The following DST variants were observed in gnomAD, a reference collection of about 807,000 sequenced individuals.
The protein encoded by DST is dystonin.
A neutral mutation model predicts 875.2 loss-of-function variants in DST; 253 were observed. The ratio of observed to expected loss-of-function variants is 0.29; its 90% CI spans 0.26 to 0.32. The LOEUF (loss-of-function observed/expected upper bound fraction) is 0.32. DST is among the 10% of genes least tolerant of loss of function. The pLI is 1.00. For missense variants in DST, 8,287 were observed against 9,111.6 expected (o/e 0.91, Z 3.68); for synonymous variants, 3,124 against 3,197.1 (o/e 0.98, Z 0.77).
At chr6:56,523,637 A>G (rs1251792498) in intron 69 of DST, among the ~76,000 whole-genome samples, 1 of 152,164 alleles carries the variant, frequency 6.6e-6, no homozygotes, top group Non-Finnish European at 1.5e-5. Context: ...TATATATGCA[A>G]CCTTAAAACT....
intron 9 of DST, among the ~76,000 whole-genome samples, chr6:56,696,320 G>A (rs1052548105): frequency 2.6e-5 from 4 of 152,034 alleles, no homozygotes; most frequent in African/African-American, 7.3e-5. Flanking sequence ...GTGCCACAAC[G>A]CCCGGCGAAT....
intron 49 of DST, among the ~76,000 whole-genome samples, chr6:56,586,031 G>T (rs1202127418): frequency 6.6e-6 from 1 of 151,284 alleles, no homozygotes; most frequent in Non-Finnish European, 1.5e-5. Flanking sequence ...GGTCAGTTTT[G>T]GAATAGGTGT....
At chr6:56,573,960 G>T in intron 50 of DST, 73 bp from the exon 51 acceptor site, 2 of 1,054,520 alleles carry the variant, frequency 1.9e-6, no homozygotes, top group South Asian at 1.9e-5. Context: ...ACACATGAAG[G>T]TGAATCATAC....
chr6:56,627,049 G>A lies in DST; in HGVS notation c.4722+155C>T, dbSNP rs41271874. ...CGAATGAACTGGGGGGCTGTCATGT[G>A]ACTAATTTCACAAAGAATTATTAGA... On this transcript the variant is annotated intron_variant, in intron 34 of 103. Coordinates refer to ENST00000680361, the MANE Select transcript of DST (RefSeq NM_001374736.1). Among the ~76,000 whole-genome samples the A allele has an allele frequency of 0.012, 1,772 of 152,230 alleles. 21 individuals carry two copies. The highest frequency in any genetic ancestry group is 0.018 in the Non-Finnish European group (1,237 of 67,986).
chr6:56,740,205 GACT>G (rs1263404622), intron 4 of DST, among the ~76,000 whole-genome samples: 79 of 152,232 alleles, frequency 5.2e-4, no homozygotes, highest in African/African-American at 1.9e-3. Flanking sequence ...TTATTCTGTG[GACT>G]CACCCTGAAT....
intron 61 of DST, among the ~76,000 whole-genome samples, chr6:56,548,275 CAGGTGGGCCGTGGGCCAT>C (rs1470109499): frequency 6.6e-6 from 1 of 152,226 alleles, no homozygotes; most frequent in African/African-American, 2.4e-5. Context: ...TCCTGGGCCA[CAGGTGGGCCGTGGGCCAT>C]GGGTGGGACA....
chr6:56,856,097 G>T (rs1415548186), intron 3 of DST, among the ~76,000 whole-genome samples: 1 of 152,202 alleles, frequency 6.6e-6, no homozygotes, highest in Non-Finnish European at 1.5e-5. Flanking sequence ...TGACTTTCCT[G>T]ATAGCCCATT....
At chr6:56,681,687 G>A (rs1456408145) in intron 9 of DST, among the ~76,000 whole-genome samples, 6 of 152,212 alleles carry the variant, frequency 3.9e-5, no homozygotes, top group Non-Finnish European at 7.3e-5. Context: ...ATTTGCCTTA[G>A]TGTTATAATG....
At chr6:56,720,771 A>G (rs2099411703) in intron 5 of DST, among the ~76,000 whole-genome samples, 1 of 152,226 alleles carries the variant, frequency 6.6e-6, no homozygotes, top group Admixed American at 6.5e-5. Flanking sequence ...CAGACACAGT[A>G]ACAATGTGAT....
intron 50 of DST, among the ~76,000 whole-genome samples, chr6:56,574,747 GT>G (rs1196290161): frequency 6.6e-6 from 1 of 151,958 alleles, no homozygotes; most frequent in Non-Finnish European, 1.5e-5. Context: ...TTGAACAATG[GT>G]TTTTAATGTA....
At chr6:56,872,832 C>CCCCCCT (rs5876523) in intron 3 of DST, among the ~76,000 whole-genome samples, 1 of 127,860 alleles carries the variant, frequency 7.8e-6, no homozygotes, top group Non-Finnish European at 1.6e-5. Context: ...TCCCCCCCCC[C>CCCCCCT]TTTTTTTTTT....
At chr6:56,683,855 C>T (rs572776430) in intron 9 of DST, among the ~76,000 whole-genome samples, 1 of 152,326 alleles carries the variant, frequency 6.6e-6, no homozygotes, top group South Asian at 2.1e-4. Context: ...CTCGAGACCA[C>T]TCAATGAGAA....
At chr6:56,760,832 A>G (rs2099615401) in intron 4 of DST, among the ~76,000 whole-genome samples, 1 of 152,134 alleles carries the variant, frequency 6.6e-6, no homozygotes, top group South Asian at 2.1e-4. Context: ...GTATAATTAA[A>G]TCTCCCTTTT....
In DST at chr6:56,658,502, A is replaced by G. The variant is rs552575830; in HGVS notation, c.1215-7258T>C. Among the ~76,000 whole-genome samples the G allele has an allele frequency of 2.6e-5, 4 of 152,350 alleles. No individual in the cohort carries two copies. The South Asian group carries it at 6.2e-4, about 24-fold the overall frequency. On this transcript the variant is annotated intron_variant, in intron 10 of 103. Transcript: ENST00000680361. The stretch of plus-strand genomic sequence containing the variant: ...TATAGCATAAGGTTCAAAGAACTCA[A>G]CTGATTTACCCAAGATCTCAAGAGA...
intron 53 of DST, among the ~76,000 whole-genome samples, chr6:56,571,782 T>C (rs1252293055): frequency 6.6e-6 from 1 of 152,216 alleles, no homozygotes; most frequent in Non-Finnish European, 1.5e-5. Flanking sequence ...CAAATAAAAA[T>C]GTGATATTTG....
chr6:56,560,405 T>A lies in DST; in HGVS notation c.14329A>T (p.Lys4777Ter). ...EQNKSFEAEL[K>*]QNVNKVQELK... ...TCCTGTACTTTGTTTACATTCTGCT[T>A]CAGTTCTGCCTCAAACGACTAACAA... The change falls in exon 58 of 104, where the codon AAG becomes TAG. Residue 4777 changes from lysine (K) to a stop codon, truncating the protein, a stop_gained. Transcript: ENST00000680361. LOFTEE classifies it high-confidence loss of function. 1 of 1,600,192 alleles carries A rather than the reference T, an allele frequency of 6.2e-7. No homozygotes were observed. The highest frequency in any genetic ancestry group is 8.5e-7 in the Non-Finnish European group (1 of 1,172,100).
intron 9 of DST, among the ~76,000 whole-genome samples, chr6:56,671,493 A>AT (rs1408417441): frequency 6.6e-6 from 1 of 152,098 alleles, no homozygotes; most frequent in Non-Finnish European, 1.5e-5. Flanking sequence ...TTATCAACTG[A>AT]TTTTTTTCTC....
intron 5 of DST, among the ~76,000 whole-genome samples, chr6:56,706,171 G>A (rs1429631389): frequency 3.3e-5 from 5 of 152,104 alleles, no homozygotes; most frequent in East Asian, 1.9e-4. Flanking sequence ...AAAATTAGCC[G>A]TGCATGGTGG....
intron 25 of DST, 92 bp from the exon 26 acceptor site, chr6:56,634,708 G>A (rs779202467): frequency 2.7e-4 from 439 of 1,599,796 alleles, no homozygotes; most frequent in Non-Finnish European, 3.6e-4. Context: ...TTTATGAGGC[G>A]GGAAATCTTG....
Sources: allele counts gnomAD v4.1 joint callset (sites outside exome capture counted in the v4.1 genomes callset), GRCh38; gene constraint gnomAD v4.1.1; transcripts MANE v1.5; gene names NCBI Gene and HGNC (gene_info 2026-07-23, HGNC 2026-07-21).